The following HELB variants were observed in gnomAD, a reference collection of about 807,000 sequenced individuals.
HELB encodes the protein DNA helicase B.
In HELB, 96 loss-of-function variants were observed where a neutral mutation model predicts 101.7. That is an observed-to-expected ratio of 0.94 (90% CI 0.80 to 1.12). The LOEUF (loss-of-function observed/expected upper bound fraction) is 1.12. Among genes scored for constraint, HELB ranks in the 50% most tolerant of loss-of-function variants. The pLI is 0.00. For synonymous variants in HELB, 437 were observed against 459.7 expected (o/e 0.95, Z 0.63); for missense variants, 1,210 against 1,291.9 (o/e 0.94, Z 0.97).
At chr12:66,330,430 CT>C (rs1254332957) in intron 11 of HELB, among the ~76,000 whole-genome samples, 1 of 151,772 alleles carries the variant, frequency 6.6e-6, no homozygotes, top group South Asian at 2.1e-4. Context: ...GAATTTCTCT[CT>C]TTTTTTGTGA....
At chr12:66,339,769 G>C (rs1459029278), downstream of HELB, 3 of 152,026 alleles carry the variant, frequency 2.0e-5, no homozygotes, top group Non-Finnish European at 2.9e-5. Context: ...TCAAAAAAAA[G>C]AGAAACCTCA....
chr12:66,315,965 CTT>C (rs143539743), intron 6 of HELB, among the ~76,000 whole-genome samples: 1 of 152,090 alleles, frequency 6.6e-6, no homozygotes, highest in Non-Finnish European at 1.5e-5. Context: ...TATTTCATGA[CTT>C]TTTTTTAATA....
rs780821088 is a variant in HELB, at chr12:66,331,284, A to G, written c.2801A>G (p.Asn934Ser). The G allele has an allele frequency of 2.5e-6, 4 of 1,614,114 alleles. No individual in the cohort carries two copies. The highest frequency in any genetic ancestry group is 1.7e-5 in the Admixed American group (1 of 60,006). The change falls in exon 12 of 13, where the codon AAT becomes AGT. Residue 934 changes from asparagine to serine, a missense_variant. Around this residue, in one of 2 missense-constraint regions of HELB, gnomAD observed 740 missense variants for 728.8 expected, o/e 1.02. Transcript: ENST00000247815. ...ATTGCAGAGGAGTCTCAGCTCCGGA[A>G]TGCCATTATGAAAAACAGTTTTCCT... The part of the protein sequence containing the change: ...YVIAEESQLR[N>S]AIMKNSFPRK...
chr12:66,331,610 G>A lies in HELB; in HGVS notation c.3127G>A (p.Val1043Met), dbSNP rs568530085. ...KSRASKRTCG[V>M]NDDESPSKIF... is the part of the protein sequence containing the mutation. The stretch of plus-strand genomic sequence containing the variant: ...GCGAGCATCCAAAAGAACCTGTGGT[G>A]TGAATGATGATGAAAGTCCAAGCAA... The change falls in exon 12 of 13, where the codon GTG becomes ATG. Residue 1043 changes from valine to methionine, a missense_variant. Coordinates refer to ENST00000247815, the MANE Select transcript of HELB (RefSeq NM_001370285.1). 6 of 1,606,836 alleles carry A rather than the reference G, an allele frequency of 3.7e-6. No individual in the cohort carries two copies. Among genetic ancestry groups the A allele is most frequent in the South Asian group, 1.1e-5 (1 of 90,674 alleles).
intron 6 of HELB, among the ~76,000 whole-genome samples, chr12:66,318,311 C>G (rs1395351009): frequency 6.6e-6 from 1 of 152,094 alleles, no homozygotes; most frequent in African/African-American, 2.4e-5. Context: ...TTGCATGGTT[C>G]TTTTGTGGTC....
intron 9 of HELB, among the ~76,000 whole-genome samples, chr12:66,323,167 A>G (rs1457097862): frequency 6.6e-6 from 1 of 152,258 alleles, no homozygotes; most frequent in African/African-American, 2.4e-5. Flanking sequence ...TCAGAGAAAT[A>G]TGAGTGTAGA....
chr12:66,333,711 A>G (rs1326771289), intron 12 of HELB, among the ~76,000 whole-genome samples: 2 of 151,964 alleles, frequency 1.3e-5, no homozygotes, highest in Admixed American at 6.5e-5. Context: ...AAAACAGAGG[A>G]AGGTTGGCTA....
chr12:66,311,498 G>A (rs1288840110), intron 4 of HELB, among the ~76,000 whole-genome samples: 1 of 152,142 alleles, frequency 6.6e-6, no homozygotes, highest in Admixed American at 6.5e-5. Flanking sequence ...CTAGAGTGTA[G>A]GCGTAATGAT....
Position 66,305,086 on chromosome 12 carries a change from T to C in HELB, c.543T>C (p.Pro181=), listed in dbSNP as rs2053458844. ...KETGRKDQKQ[P]TQNGQEELFL... is the part of the protein sequence containing the mutation. ...CTGGAAGGAAAGATCAAAAGCAGCC[T>C]ACACAGAATGGTCAGGAAGAGTTGT... The change falls in exon 2 of 13, where the codon CCT becomes CCC. Residue 181 remains proline (P), a synonymous_variant. Coordinates refer to ENST00000247815, the MANE Select transcript of HELB (RefSeq NM_001370285.1). 3 of 1,606,010 alleles carry C rather than the reference T, an allele frequency of 1.9e-6. No individual in the cohort carries two copies. The highest frequency in any genetic ancestry group is 2.5e-6 in the Non-Finnish European group (3 of 1,177,486).
intron 12 of HELB, among the ~76,000 whole-genome samples, chr12:66,337,012 G>A (rs1418130503): frequency 2.0e-5 from 3 of 152,140 alleles, no homozygotes; most frequent in African/African-American, 7.2e-5. Context: ...GTAGCAATGG[G>A]GTTGGAGAAG....
chr12:66,335,710 G>A (rs1227641534), intron 12 of HELB, among the ~76,000 whole-genome samples: 3 of 152,138 alleles, frequency 2.0e-5, no homozygotes, highest in Non-Finnish European at 2.9e-5. Context: ...TGGGTAAGAT[G>A]GGAAAAATCA....
Position 66,322,747 on chromosome 12 carries a change from A to ACTG in HELB, c.2269_2271dup (p.Cys757dup). On this transcript the variant is annotated inframe_insertion, in exon 9 of 13. Transcript: ENST00000247815. ...AGGCAAGACTGTGATCTAATTAATG[A>ACTG]CTGCTGCTGCAAACACTACACAGGC... The ACTG allele has an allele frequency of 6.2e-7, 1 of 1,610,714 alleles. No homozygotes were observed. The highest frequency in any genetic ancestry group is 8.5e-7 in the Non-Finnish European group (1 of 1,178,430).
rs1278278700 is a variant in HELB at position 66,309,931 on chromosome 12, CT to C, written c.1004del (p.Leu335ArgfsTer4). 1 of 1,614,224 alleles carries C rather than the reference CT, an allele frequency of 6.2e-7. No homozygotes were observed. Among genetic ancestry groups the C allele is most frequent in the South Asian group, 1.1e-5 (1 of 91,090 alleles). On this transcript the variant is annotated frameshift_variant, in exon 4 of 13. Transcript: ENST00000247815. LOFTEE classifies it high-confidence loss of function. ...GTCATTTCATGCTGCTTCAGAGTCT[CT>C]GAAGTTTTTGAAGGATATTGGTGTG... ...HMSFHAASES[L>X]KFLKDIGVVT...
rs1240770751 is a variant in HELB, at chr12:66,306,476, ATT to A, written c.742_743del (p.Leu248ArgfsTer10). On this transcript the variant is annotated frameshift_variant, in exon 3 of 13. Transcript: ENST00000247815. LOFTEE classifies it high-confidence loss of function. ...AGAGATGTTGAAAGAGATAGAAGAG[ATT>A]TTAGGTACACATCCGTGGAAACTTG... ...SKEMLKEIEEILGTHPWKLGF... is the reference protein window; with the variant it reads ...SKEMLKEIEEXLGTHPWKLGF... 9 of 1,602,446 alleles carry A rather than the reference ATT, an allele frequency of 5.6e-6. No homozygotes were observed. Among genetic ancestry groups the A allele is most frequent in the Non-Finnish European group, 7.7e-6 (9 of 1,174,880 alleles).
chr12:66,328,406 A>G (rs1233668285), intron 11 of HELB, among the ~76,000 whole-genome samples: 1 of 152,140 alleles, frequency 6.6e-6, no homozygotes, highest in East Asian at 1.9e-4. Flanking sequence ...TACAAAAAAT[A>G]CAAAACAGTA....
downstream of HELB, chr12:66,340,523 T>C (rs2053909978): frequency 6.7e-6 from 1 of 149,890 alleles, no homozygotes; most frequent in Non-Finnish European, 1.5e-5. Flanking sequence ...ATGGAACCAA[T>C]AGGATATATG....
intron 9 of HELB, among the ~76,000 whole-genome samples, chr12:66,323,752 TTGAC>T (rs896592571): frequency 1.6e-4 from 24 of 152,188 alleles, no homozygotes; most frequent in African/African-American, 5.8e-4. Context: ...TTGAAAAAAT[TTGAC>T]TGGGAAATGT....
intron 12 of HELB, among the ~76,000 whole-genome samples, chr12:66,335,808 G>A (rs991020823): frequency 7.9e-5 from 12 of 152,152 alleles, no homozygotes; most frequent in African/African-American, 2.4e-4. Context: ...GGTGTAGTAC[G>A]TTGGGTATAT....
downstream of HELB, chr12:66,342,024 G>A (rs1345834205): frequency 6.6e-6 from 1 of 152,154 alleles, no homozygotes; most frequent in Admixed American, 6.6e-5. Context: ...CAGTGTATCT[G>A]TTTTTGTTGT....
Sources: allele counts gnomAD v4.1 joint callset (sites outside exome capture counted in the v4.1 genomes callset), GRCh38; gene constraint gnomAD v4.1.1; regional missense constraint gnomAD v4.1.1; transcripts MANE v1.5; gene names NCBI Gene and HGNC (gene_info 2026-07-23, HGNC 2026-07-21).